Variants in GLB1L2 observed in about 807,000 individuals in gnomAD.
GLB1L2 encodes the protein beta-galactosidase-1-like protein 2.
A neutral mutation model predicts 84.1 loss-of-function variants in GLB1L2; 68 were observed. The ratio of observed to expected loss-of-function variants is 0.81; its 90% CI spans 0.67 to 0.99. The LOEUF (loss-of-function observed/expected upper bound fraction) is 0.99, where lower values mean the gene tolerates loss of function less well. Ranked by LOEUF, GLB1L2 falls within the 50% of genes least tolerant of loss-of-function variation. The pLI is 0.00. For missense variants in GLB1L2, 762 were observed against 805.6 expected, an observed-to-expected ratio of 0.95 and a Z score of 0.66; for synonymous variants, 290 against 318.0, an observed-to-expected ratio of 0.91 and a Z score of 0.94.
In GLB1L2 at chr11:134,370,191, A is replaced by C; in HGVS notation, c.1109-102A>C. ...GCCTGTTGTTCCTCTTGGTGCTGGG[A>C]CGCAGGAGCACATCGGGTCTGTGGA... On this transcript the variant is annotated intron_variant, in intron 11 of 18. Transcript: ENST00000535456. This position sits in a 1 kb window ranked among gnomAD's most constrained non-coding sequence, Gnocchi z 4.7. 1 of 956,572 alleles carries C rather than the reference A, an allele frequency of 1.0e-6. No homozygotes were observed. Among genetic ancestry groups the C allele is most frequent in the Non-Finnish European group, 1.7e-6 (1 of 593,476 alleles). 59.3% of individuals were successfully genotyped at this position (956,572 alleles called of 1,614,324 possible).
chr11:134,335,229 C>CTTTTTTTTT (rs11403985), intron 1 of GLB1L2, among the ~76,000 whole-genome samples: 1 of 148,838 alleles, frequency 6.7e-6, no homozygotes, highest in Non-Finnish European at 1.5e-5. Context: ...ATGCAGGTCA[C>CTTTTTTTTT]TTTTTTTTTT....
chr11:134,371,356 T>C, intron 13 of GLB1L2, 65 bp from the exon 14 acceptor site: 1 of 1,207,908 alleles, frequency 8.3e-7, no homozygotes, highest in Non-Finnish European at 1.2e-6. Flanking sequence ...CTTCTTGGCC[T>C]GGAGGAGGTC....
Position 134,366,414 on chromosome 11 carries a change from G to A in GLB1L2, c.805-843G>A, listed in dbSNP as rs115249630. On this transcript the variant is annotated intron_variant, in intron 8 of 18. Coordinates refer to ENST00000535456, the MANE Select transcript of GLB1L2 (RefSeq NM_001370461.1). ...TCCCCCTGGATCAGATTTTGTTGCTGTGTATGCGGTATCCCTCTAAACATA... is the reference window on the plus strand; with the variant it reads ...TCCCCCTGGATCAGATTTTGTTGCTATGTATGCGGTATCCCTCTAAACATA... Among the ~76,000 whole-genome samples the A allele has an allele frequency of 4.0e-3, 603 of 152,322 alleles. 3 individuals carry two copies. Among genetic ancestry groups the A allele is most frequent in the African/African-American group, 0.013 (545 of 41,568 alleles).
At chr11:134,336,581 GGATA>G (rs1449117676) in intron 1 of GLB1L2, among the ~76,000 whole-genome samples, 1 of 152,156 alleles carries the variant, frequency 6.6e-6, no homozygotes, top group Non-Finnish European at 1.5e-5. Flanking sequence ...GCTGACCGTA[GGATA>G]GATTCATTTT....
Position 134,334,146 on chromosome 11 carries a change from AG to A in GLB1L2, c.86+2001del, listed in dbSNP as rs2136252465. ...CTGACTGGGTCATTAACTGAGTGGG[AG>A]GTGGGGCCTCTCCCAGCTGTTACTG... is the stretch of plus-strand genomic sequence containing the variant. On this transcript the variant is annotated intron_variant, in intron 1 of 18. Transcript: ENST00000535456. The surrounding 1 kb of genome is among the most constrained non-coding windows in gnomAD (Gnocchi z 4.1). Among the ~76,000 whole-genome samples the A allele has an allele frequency of 6.6e-6, 1 of 151,996 alleles. No homozygotes were observed. Among genetic ancestry groups the A allele is most frequent in the African/African-American group, 2.4e-5 (1 of 41,432 alleles).
chr11:134,344,618 G>A (rs1372857884), intron 3 of GLB1L2, among the ~76,000 whole-genome samples, 163 bp downstream of exon 3: 9 of 152,270 alleles, frequency 5.9e-5, no homozygotes, highest in African/African-American at 1.2e-4. Context: ...CTCCCCAGTC[G>A]TGACCTGTCA....
Position 134,370,193 on chromosome 11 carries a change from G to T in GLB1L2, c.1109-100G>T, listed in dbSNP as rs927536352. ...CTGTTGTTCCTCTTGGTGCTGGGACGCAGGAGCACATCGGGTCTGTGGATG... is the reference window on the plus strand; with the variant it reads ...CTGTTGTTCCTCTTGGTGCTGGGACTCAGGAGCACATCGGGTCTGTGGATG... On this transcript the variant is annotated intron_variant, in intron 11 of 18. Transcript: ENST00000535456. This position sits in a 1 kb window ranked among gnomAD's most constrained non-coding sequence, Gnocchi z 4.7. 1 of 975,810 alleles carries T rather than the reference G, an allele frequency of 1.0e-6. No homozygotes were observed. 60.4% of individuals were successfully genotyped at this position (975,810 alleles called of 1,614,324 possible). A position where few individuals can be genotyped will look rare whatever the true frequency, so the allele number is the denominator to read the frequency against.
Position 134,332,028 on chromosome 11 carries a change from G to A in GLB1L2, c.-34G>A. The A allele has an allele frequency of 2.0e-6, 3 of 1,478,464 alleles. No individual in the cohort carries two copies. The highest frequency in any genetic ancestry group is 2.7e-6 in the Non-Finnish European group (3 of 1,091,172). 91.6% of individuals were successfully genotyped at this position (1,478,464 alleles called of 1,614,324 possible). A position where few individuals can be genotyped will look rare whatever the true frequency, so the allele number is the denominator to read the frequency against. ...CGCGCGGCTGAGTGCGGACTGGAGT[G>A]GGAACCCGGGTCCCCGCGCTTAGAG... On this transcript the variant is annotated 5_prime_UTR_variant, in exon 1 of 19. Coordinates refer to ENST00000535456, the MANE Select transcript of GLB1L2 (RefSeq NM_001370461.1).
At position 134,347,231 on chromosome 11, in the gene GLB1L2, TG is replaced by T. The variant is rs777487561; in HGVS notation, c.450-88del. ...GAGGGCACAGGTCATTCTGGAGCACTGGGGGGCCTCTCCCTTCTCACGCATC... is the reference window on the plus strand; with the variant it reads ...GAGGGCACAGGTCATTCTGGAGCACTGGGGGCCTCTCCCTTCTCACGCATC... On this transcript the variant is annotated intron_variant, in intron 4 of 18. Coordinates refer to ENST00000535456, the MANE Select transcript of GLB1L2 (RefSeq NM_001370461.1). 739 of 899,210 alleles carry T rather than the reference TG, an allele frequency of 8.2e-4. 1 individual carries two copies. The highest frequency in any genetic ancestry group is 1.2e-3 in the Non-Finnish European group (664 of 532,008). The allele number at this position is 899,210 out of a possible 1,614,324, so 55.7% of individuals were successfully genotyped here.
chr11:134,357,419 G>A (rs749641056), intron 6 of GLB1L2, among the ~76,000 whole-genome samples: 1 of 152,192 alleles, frequency 6.6e-6, no homozygotes, highest in Non-Finnish European at 1.5e-5. Flanking sequence ...GCTGGAAAGG[G>A]GCAAGGTCCA....
intron 1 of GLB1L2, among the ~76,000 whole-genome samples, chr11:134,341,926 A>G (rs969966062): frequency 3.3e-5 from 5 of 150,712 alleles, no homozygotes; most frequent in African/African-American, 1.2e-4. Flanking sequence ...ACGAAGGCAC[A>G]GCCCACACCG....
At chr11:134,366,421 C>T (rs780273932) in intron 8 of GLB1L2, among the ~76,000 whole-genome samples, 1 of 152,146 alleles carries the variant, frequency 6.6e-6, no homozygotes, top group African/African-American at 2.4e-5. Context: ...GCTGTGTATG[C>T]GGTATCCCTC....
At chr11:134,347,517 GTCC>G in intron 5 of GLB1L2, 84 bp downstream of exon 5, 1 of 919,958 alleles carries the variant, frequency 1.1e-6, no homozygotes, top group Non-Finnish European at 1.8e-6. Context: ...CAGACCAAGG[GTCC>G]TCCAGTGTTT....
intron 8 of GLB1L2, chr11:134,364,698 C>T: frequency 2.8e-6 from 1 of 352,558 alleles, no homozygotes; most frequent in East Asian, 5.0e-5. Context: ...GACTTGCTCC[C>T]AGGGATTGAG....
At chr11:134,332,631 G>A (rs1297823274) in intron 1 of GLB1L2, among the ~76,000 whole-genome samples, 3 of 152,170 alleles carry the variant, frequency 2.0e-5, no homozygotes, top group African/African-American at 7.2e-5. Context: ...CAGCTGGCCT[G>A]GCAGGGTCGT....
At position 134,334,743 on chromosome 11, in the gene GLB1L2, A is replaced by G. The variant is rs1323652853; in HGVS notation, c.86+2596A>G. ...GTTTGCATTTTCTAGTGTTTTATAG[A>G]ATTGTAATCTTAAAGCATGTTTTCC... On this transcript the variant is annotated intron_variant, in intron 1 of 18. Coordinates refer to ENST00000535456, the MANE Select transcript of GLB1L2 (RefSeq NM_001370461.1). This position sits in a 1 kb window ranked among gnomAD's most constrained non-coding sequence, Gnocchi z 4.1. Among the ~76,000 whole-genome samples the G allele has an allele frequency of 6.6e-6, 1 of 152,048 alleles. No individual in the cohort carries two copies. Among genetic ancestry groups the G allele is most frequent in the Non-Finnish European group, 1.5e-5 (1 of 68,008 alleles).
In GLB1L2 at chr11:134,332,073, G is replaced by A; in HGVS notation, c.12G>A (p.Trp4Ter). The A allele has an allele frequency of 6.3e-7, 1 of 1,581,548 alleles. No homozygotes were observed. The highest frequency in any genetic ancestry group is 8.6e-7 in the Non-Finnish European group (1 of 1,165,770). The change falls in exon 1 of 19, where the codon TGG becomes TGA. Residue 4 changes from tryptophan to a stop codon, truncating the protein, a stop_gained. Coordinates refer to ENST00000535456, the MANE Select transcript of GLB1L2 (RefSeq NM_001370461.1). LOFTEE classifies it high-confidence loss of function. MTT[W>*]SLRRRPARTL... ...TTAGAGAACACGCGATGACCACGTG[G>A]AGCCTCCGGCGGAGGCCGGCCCGCA...
At chr11:134,368,510 C>A in intron 9 of GLB1L2, 134 bp from the exon 10 acceptor site, 1 of 859,350 alleles carries the variant, frequency 1.2e-6, no homozygotes, top group Non-Finnish European at 1.9e-6. Flanking sequence ...TTTATGAGAG[C>A]TAGAAGGACA....
chr11:134,368,796 G>T lies in GLB1L2; in HGVS notation c.1027+15G>T. 6.2e-7 allele frequency: 1 copy of T among 1,612,820 alleles called. No homozygotes were observed. ...CACCAGCTATGGCAAGTATTCATCA[G>T]CACTGCTCTCCCTGGTCTGCCCTGC... On this transcript the variant is annotated intron_variant, in intron 10 of 18. Coordinates refer to ENST00000535456, the MANE Select transcript of GLB1L2 (RefSeq NM_001370461.1).
Sources: allele counts gnomAD v4.1 joint callset (sites outside exome capture counted in the v4.1 genomes callset), GRCh38; gene constraint gnomAD v4.1.1; non-coding constraint Gnocchi (gnomAD v3.1); transcripts MANE v1.5; gene names NCBI Gene and HGNC (gene_info 2026-07-23, HGNC 2026-07-21).